CEP152: variants seen among roughly 807,000 people sequenced by gnomAD.
CEP152 encodes the protein centrosomal protein 152, also known as centrosomal protein of 152 kDa.
In CEP152, 132 loss-of-function variants were observed where a neutral mutation model predicts 188.9. The observed-to-expected ratio is 0.70, with a 90% confidence interval of 0.61 to 0.81. The LOEUF (loss-of-function observed/expected upper bound fraction) is 0.81, where lower values mean the gene tolerates loss of function less well. Ranked by LOEUF, CEP152 falls within the 30% of genes least tolerant of loss-of-function variation. CEP152 has a pLI of 0.00. For synonymous variants in CEP152, 649 were observed against 666.6 expected, an observed-to-expected ratio of 0.97 and a Z score of 0.41; for missense variants, 1,914 against 1,969.8, an observed-to-expected ratio of 0.97 and a Z score of 0.54.
At chr15:48,779,933 C>G (rs117842054) in intron 12 of CEP152, among the ~76,000 whole-genome samples, 187 of 152,312 alleles carry the variant, frequency 1.2e-3, no homozygotes, top group Non-Finnish European at 2.1e-3. Context: ...TGATGTGGAT[C>G]AAACACACGT....
intron 13 of CEP152, among the ~76,000 whole-genome samples, chr15:48,769,704 T>G (rs1895391404): frequency 6.6e-6 from 1 of 152,226 alleles, no homozygotes; most frequent in Non-Finnish European, 1.5e-5. Context: ...CTATTTCTCA[T>G]CATATGTTCT....
At chr15:48,796,207 C>A in intron 5 of CEP152, 47 bp from the exon 6 acceptor site, 2 of 1,599,262 alleles carry the variant, frequency 1.3e-6, no homozygotes, top group Non-Finnish European at 1.7e-6. Flanking sequence ...CCTTTTCTTC[C>A]AAAATTATCT....
At chr15:48,799,801 A>C (rs1032971581) in intron 2 of CEP152, among the ~76,000 whole-genome samples, 1 of 152,236 alleles carries the variant, frequency 6.6e-6, no homozygotes, top group African/African-American at 2.4e-5. Context: ...ACACAAATGC[A>C]CTAGAGAAAA....
chr15:48,759,817 T>C lies in CEP152; in HGVS notation c.2694+318A>G, dbSNP rs79163706. On this transcript the variant is annotated intron_variant, in intron 19 of 26. Coordinates refer to ENST00000380950, the MANE Select transcript of CEP152 (RefSeq NM_001194998.2). Reference sequence around the variant, plus strand: ...ACTAACACAACAGAGAAAACAATCTTTAAGCATGTGAAAGGATACTGTATA... The same window carrying C: ...ACTAACACAACAGAGAAAACAATCTCTAAGCATGTGAAAGGATACTGTATA... Among the ~76,000 whole-genome samples the C allele has an allele frequency of 3.1e-3, 468 of 152,330 alleles. 5 individuals carry two copies. Among genetic ancestry groups the C allele is most frequent in the African/African-American group, 0.011 (461 of 41,578 alleles).
At chr15:48,804,660 C>T (rs930843160) in intron 2 of CEP152, among the ~76,000 whole-genome samples, 3 of 152,250 alleles carry the variant, frequency 2.0e-5, no homozygotes, top group African/African-American at 7.2e-5. Context: ...AAACACTTTA[C>T]ATATAAATAA....
Position 48,772,673 on chromosome 15 carries a change from GTCT to G in CEP152, c.1593_1595del (p.Glu531del), listed in dbSNP as rs763796381. The stretch of plus-strand genomic sequence containing the variant: ...CATCTTTTGAAAGCTCTTCATTTGG[GTCT>G]TCTTCTTGTACAATGCTAATGGAGA... On this transcript the variant is annotated inframe_deletion, in exon 13 of 27. Transcript: ENST00000380950. 7 of 1,613,732 alleles carry G rather than the reference GTCT, an allele frequency of 4.3e-6. No homozygotes were observed. In the South Asian group the frequency reaches 4.4e-5, roughly 10 times the overall value.
chr15:48,752,658 A>G (rs560415723), intron 20 of CEP152, among the ~76,000 whole-genome samples, 189 bp from the exon 21 acceptor site: 18 of 152,328 alleles, frequency 1.2e-4, no homozygotes, highest in Non-Finnish European at 2.4e-4. Context: ...CTAGCTTCCT[A>G]TGAAACTTTC....
At chr15:48,752,701 G>A (rs981684094) in intron 20 of CEP152, among the ~76,000 whole-genome samples, 2 of 152,132 alleles carry the variant, frequency 1.3e-5, no homozygotes, top group East Asian at 1.9e-4. Context: ...GGCGACTGGT[G>A]GGCAGCTATG....
chr15:48,781,177 T>C lies in CEP152; in HGVS notation c.1577+19A>G. 6.2e-7 allele frequency: 1 copy of C among 1,610,576 alleles called. No individual in the cohort carries two copies. The highest frequency in any genetic ancestry group is 8.5e-7 in the Non-Finnish European group (1 of 1,177,080). On this transcript the variant is annotated intron_variant, in intron 12 of 26. Coordinates refer to ENST00000380950, the MANE Select transcript of CEP152 (RefSeq NM_001194998.2). ...TAATGTTGGTTCTTCTACAGTAAAC[T>C]AAAATATTCTTTCCATACCTGGTAA... is the stretch of plus-strand genomic sequence containing the variant.
chr15:48,765,801 G>C (rs924864877), intron 17 of CEP152: 2 of 313,254 alleles, frequency 6.4e-6, no homozygotes, highest in Non-Finnish European at 1.2e-5. Flanking sequence ...CTACAGGCGC[G>C]CACAACCATG....
chr15:48,777,490 G>C (rs1318081107), intron 12 of CEP152, among the ~76,000 whole-genome samples: 2 of 151,702 alleles, frequency 1.3e-5, no homozygotes, highest in Non-Finnish European at 2.9e-5. Context: ...GTGTGTGTGT[G>C]TGTGTGTCTG....
At position 48,768,172 on chromosome 15, in the gene CEP152, G is replaced by GA. The variant is rs747105264; in HGVS notation, c.2018+46_2018+47insT. ...ACAGGGAAGGGCAGGGACTTAGAGG[G>GA]GAAGGGTACCCAGGAGACAGTCGTC... On this transcript the variant is annotated intron_variant, in intron 15 of 26. Transcript: ENST00000380950. The GA allele has an allele frequency of 1.6e-5, 17 of 1,081,266 alleles. No homozygotes were observed. In the East Asian group the frequency reaches 3.5e-4, roughly 22 times the overall value. 67.0% of individuals were successfully genotyped at this position (1,081,266 alleles called of 1,614,324 possible).
intron 2 of CEP152, 156 bp downstream of exon 2, chr15:48,805,407 T>C: frequency 1.1e-6 from 1 of 942,252 alleles, no homozygotes; most frequent in East Asian, 2.8e-5. Context: ...ATTCACCTTT[T>C]CAGTCTAAAT....
intron 12 of CEP152, among the ~76,000 whole-genome samples, chr15:48,780,339 T>C (rs576966127): frequency 1.3e-5 from 2 of 152,186 alleles, no homozygotes; most frequent in African/African-American, 4.8e-5. Flanking sequence ...CACTTTATAT[T>C]TCTACTTACT....
chr15:48,778,189 T>C (rs1396154764), intron 12 of CEP152, among the ~76,000 whole-genome samples: 4 of 152,192 alleles, frequency 2.6e-5, no homozygotes, highest in Non-Finnish European at 5.9e-5. Flanking sequence ...GCTAAACCCT[T>C]AAAATTTACT....
Position 48,797,690 on chromosome 15 carries a change from G to T in CEP152, c.232C>A (p.Gln78Lys). The change falls in exon 4 of 27, where the codon CAA becomes AAA. Residue 78 changes from glutamine to lysine, a missense_variant. Transcript: ENST00000380950. The stretch of plus-strand genomic sequence containing the variant: ...ACACTTTGAGATTTGGGCAGCATTT[G>T]CTCATTCCAGCTCATCTCCAATTGC... ...PEQLEMSWNE[Q>K]MLPKSQSVNG... The T allele has an allele frequency of 6.2e-7, 1 of 1,614,112 alleles. No homozygotes were observed. Among genetic ancestry groups the T allele is most frequent in the Non-Finnish European group, 8.5e-7 (1 of 1,179,998 alleles).
At chr15:48,791,126 T>A (rs1896960865) in intron 8 of CEP152, 111 bp downstream of exon 8, 1 of 902,144 alleles carries the variant, frequency 1.1e-6, no homozygotes, top group African/African-American at 1.7e-5. Flanking sequence ...TAAGTTCTAA[T>A]GCTTTGTCAA....
At chr15:48,768,420 TTC>T in intron 14 of CEP152, 92 bp from the exon 15 acceptor site, 1 of 727,448 alleles carries the variant, frequency 1.4e-6, no homozygotes, top group Non-Finnish European at 2.4e-6. Flanking sequence ...TTTCTATGCT[TTC>T]TCTCTCCCCT....
intron 20 of CEP152, among the ~76,000 whole-genome samples, chr15:48,753,002 CAA>C (rs1159470023): frequency 6.6e-6 from 1 of 152,128 alleles, no homozygotes; most frequent in Non-Finnish European, 1.5e-5. Flanking sequence ...AGCTGAATGC[CAA>C]AGTTAAGGAC....
Sources: gnomAD v4.1 joint callset for allele counts (sites outside exome capture counted in the v4.1 genomes callset) on GRCh38, gnomAD v4.1.1 for gene constraint, MANE v1.5 for transcripts, NCBI Gene and HGNC (gene_info 2026-07-23, HGNC 2026-07-21) for gene names.